Variants in EFTUD2 observed in about 807,000 individuals in gnomAD.
The protein encoded by EFTUD2 is 116 kDa U5 small nuclear ribonucleoprotein component.
EFTUD2 carries 9 observed loss-of-function variants against 114.3 expected under a neutral mutation model. The ratio of observed to expected loss-of-function variants is 0.08; its 90% confidence interval spans 0.05 to 0.14. The LOEUF (loss-of-function observed/expected upper bound fraction) is 0.14. Among genes scored for constraint, EFTUD2 ranks in the 10% least tolerant of loss-of-function variants. The pLI is 1.00. For synonymous variants in EFTUD2, 449 were observed against 462.3 expected, an observed-to-expected ratio of 0.97 and a Z score of 0.37; for missense variants, 765 against 1,241.2, an observed-to-expected ratio of 0.62 and a Z score of 5.76.
intron 13 of EFTUD2, among the ~76,000 whole-genome samples, chr17:44,867,191 C>A (rs1443383838): frequency 2.6e-5 from 4 of 152,122 alleles, no homozygotes; most frequent in East Asian, 1.9e-4. Flanking sequence ...ATTTCCGTAA[C>A]TGAAATGATT....
At chr17:44,883,783 G>A in intron 4 of EFTUD2, 59 bp from the exon 5 acceptor site, 1 of 1,540,988 alleles carries the variant, frequency 6.5e-7, no homozygotes, top group Non-Finnish European at 9.0e-7. Flanking sequence ...AATGAGGAGT[G>A]GTGTAAAGGT....
At chr17:44,871,834 C>G (rs9915732) in intron 11 of EFTUD2, among the ~76,000 whole-genome samples, 2 of 152,010 alleles carry the variant, frequency 1.3e-5, no homozygotes, top group Non-Finnish European at 2.9e-5. Context: ...TAAGGAACTG[C>G]AACATTGAAC....
rs144508820 is a variant in EFTUD2 at position 44,860,413 on chromosome 17, G to T, written c.1719+19C>A. Reference sequence around the variant, plus strand: ...CATCTAGCTTAAGCCAACCCAGTTGGTCTCTTCAGAAACTCTACCTCCTCA... The same window carrying T: ...CATCTAGCTTAAGCCAACCCAGTTGTTCTCTTCAGAAACTCTACCTCCTCA... On this transcript the variant is annotated intron_variant, in intron 17 of 27. Transcript: ENST00000426333. The T allele has an allele frequency of 6.3e-6, 10 of 1,584,180 alleles. No homozygotes were observed. The South Asian group carries it at 1.1e-4, about 18-fold the overall frequency.
chr17:44,888,963 C>T (rs1243354615), intron 2 of EFTUD2, among the ~76,000 whole-genome samples: 4 of 152,044 alleles, frequency 2.6e-5, no homozygotes, highest in Admixed American at 1.3e-4. Flanking sequence ...GGATGAGATC[C>T]CCAGAGGAGT....
At chr17:44,886,165 C>T (rs1245110332) in intron 3 of EFTUD2, among the ~76,000 whole-genome samples, 1 of 151,954 alleles carries the variant, frequency 6.6e-6, no homozygotes, top group Non-Finnish European at 1.5e-5. Flanking sequence ...ATCAGGGAGG[C>T]GGAGGTTGCA....
At chr17:44,856,436 A>C (rs2050555842) in intron 20 of EFTUD2, among the ~76,000 whole-genome samples, 1 of 152,024 alleles carries the variant, frequency 6.6e-6, no homozygotes, top group Non-Finnish European at 1.5e-5. Context: ...AAGCTGAGGC[A>C]CAAGAATTGC....
At position 44,899,390 on chromosome 17, in the gene EFTUD2, G is replaced by A. The variant is rs2051470500; in HGVS notation, c.-26C>T. The A allele has an allele frequency of 6.6e-6, 1 of 152,290 alleles. No individual in the cohort carries two copies. Among genetic ancestry groups the A allele is most frequent in the African/African-American group, 2.4e-5 (1 of 41,444 alleles). 9.4% of individuals were successfully genotyped at this position (152,290 alleles called of 1,614,324 possible). A position where few individuals can be genotyped will look rare whatever the true frequency, so the allele number is the denominator to read the frequency against. Reference sequence around the variant, plus strand: ...TTACCTCTCGCCTGCTCAGCTAAGAGTTCCCAGGCCGCTGCCGGAGATCGT... The same window carrying A: ...TTACCTCTCGCCTGCTCAGCTAAGAATTCCCAGGCCGCTGCCGGAGATCGT... On this transcript the variant is annotated 5_prime_UTR_variant, in exon 1 of 28. Coordinates refer to ENST00000426333, the MANE Select transcript of EFTUD2 (RefSeq NM_004247.4).
chr17:44,897,268 T>C (rs1036840622), intron 1 of EFTUD2, among the ~76,000 whole-genome samples: 1 of 151,250 alleles, frequency 6.6e-6, no homozygotes, highest in Non-Finnish European at 1.5e-5. Context: ...TCAATAAACG[T>C]TAGCTAGCAT....
intron 2 of EFTUD2, 109 bp from the exon 3 acceptor site, chr17:44,886,859 T>C: frequency 6.7e-7 from 1 of 1,488,786 alleles, no homozygotes; most frequent in East Asian, 2.5e-5. Context: ...GCCAGCTTCT[T>C]ATTCTGAGTT....
At chr17:44,880,483 TC>T in intron 8 of EFTUD2, 70 bp downstream of exon 8, 7 of 1,188,126 alleles carry the variant, frequency 5.9e-6, no homozygotes, top group Non-Finnish European at 8.7e-6. Context: ...TCCGTTCTGC[TC>T]CGAAAAGTGA....
chr17:44,888,048 CAG>C (rs563905931), intron 2 of EFTUD2, among the ~76,000 whole-genome samples: 244 of 150,326 alleles, frequency 1.6e-3, no homozygotes, highest in African/African-American at 5.9e-3. Context: ...AATCTGCAGA[CAG>C]AGAATAAGCT....
intron 20 of EFTUD2, among the ~76,000 whole-genome samples, chr17:44,856,730 A>G (rs931300989): frequency 2.0e-5 from 3 of 151,326 alleles, no homozygotes; most frequent in African/African-American, 7.3e-5. Context: ...TTAAGCCCAG[A>G]AAGTTGAGGC....
At position 44,850,069 on chromosome 17, in the gene EFTUD2, T is replaced by C; in HGVS notation, c.*1205A>G. ...TGTGTAACATGACAATAACCACCCC[T>C]GGCCTGCCTACCTTGCAGGCTGCTG... is the stretch of plus-strand genomic sequence containing the variant. On this transcript the variant is annotated 3_prime_UTR_variant, in exon 28 of 28. Coordinates refer to ENST00000426333, the MANE Select transcript of EFTUD2 (RefSeq NM_004247.4). The C allele has an allele frequency of 2.6e-6, 1 of 388,384 alleles. No individual in the cohort carries two copies. Among genetic ancestry groups the C allele is most frequent in the Non-Finnish European group, 4.8e-6 (1 of 208,880 alleles). 24.1% of individuals were successfully genotyped at this position (388,384 alleles called of 1,614,324 possible). A position where few individuals can be genotyped will look rare whatever the true frequency, so the allele number is the denominator to read the frequency against.
Position 44,860,094 on chromosome 17 carries a change from C to T in EFTUD2, c.1720-49G>A, listed in dbSNP as rs544958618. The T allele has an allele frequency of 2.5e-6, 4 of 1,613,502 alleles. No homozygotes were observed. The African/African-American group carries it at 5.3e-5, about 22-fold the overall frequency. On this transcript the variant is annotated intron_variant, in intron 17 of 27. Transcript: ENST00000426333. Reference sequence around the variant, plus strand: ...TGAGGGCAACTGGCATGAGCAGGCACAGAAAGTGCAGAGGTATGAGAAGAG... The same window carrying T: ...TGAGGGCAACTGGCATGAGCAGGCATAGAAAGTGCAGAGGTATGAGAAGAG...
chr17:44,860,896 G>A (rs1336974580), intron 16 of EFTUD2, among the ~76,000 whole-genome samples: 1 of 152,116 alleles, frequency 6.6e-6, no homozygotes, highest in African/African-American at 2.4e-5. Flanking sequence ...ACCACATCCA[G>A]CCTATTCCAC....
chr17:44,897,489 ACT>A (rs2051411271), intron 1 of EFTUD2, among the ~76,000 whole-genome samples: 1 of 152,008 alleles, frequency 6.6e-6, no homozygotes, highest in South Asian at 2.1e-4. Context: ...GAGTTGACAA[ACT>A]CTGACCTGTG....
chr17:44,871,262 T>TG (rs2050849118), intron 11 of EFTUD2, among the ~76,000 whole-genome samples: 2 of 151,956 alleles, frequency 1.3e-5, no homozygotes, highest in South Asian at 4.2e-4. Flanking sequence ...TGGGCTCAAG[T>TG]GATCCGCCTG....
At chr17:44,892,315 T>C (rs565355897) in intron 2 of EFTUD2, 35 of 152,260 alleles carry the variant, frequency 2.3e-4, no homozygotes, top group Admixed American at 1.9e-3. Flanking sequence ...TAGTGAAACC[T>C]TGTCTCTATT....
chr17:44,857,248 A>C (rs2050573862), intron 19 of EFTUD2, 91 bp from the exon 20 acceptor site: 1 of 1,087,424 alleles, frequency 9.2e-7, no homozygotes, highest in African/African-American at 1.5e-5. Context: ...CTCCCTTGAC[A>C]CTACCTCTGT....
Sources: allele counts gnomAD v4.1 joint callset (sites outside exome capture counted in the v4.1 genomes callset), GRCh38; gene constraint gnomAD v4.1.1; transcripts MANE v1.5; gene names NCBI Gene and HGNC (gene_info 2026-07-23, HGNC 2026-07-21).